The following VTI1A variants were observed in gnomAD, a reference collection of about 807,000 sequenced individuals.
VTI1A encodes the protein vesicle transport through interaction with t-SNAREs homolog 1A.
Under a neutral mutation model 34.9 loss-of-function variants are expected in VTI1A, and 22 were observed. That is an observed-to-expected ratio of 0.63 (90% confidence interval 0.45 to 0.90). VTI1A has a LOEUF of 0.90. VTI1A is among the 40% of genes least tolerant of loss of function. The pLI, the probability that VTI1A is intolerant of heterozygous loss-of-function variation, is 0.00. For missense variants in VTI1A, 268 were observed against 275.6 expected, an observed-to-expected ratio of 0.97 and a Z score of 0.20; for synonymous variants, 87 against 97.3, an observed-to-expected ratio of 0.89 and a Z score of 0.62.
chr10:112,520,645 G>GTA (rs1214811424), intron 3 of VTI1A, among the ~76,000 whole-genome samples: 223 of 111,144 alleles, frequency 2.0e-3, no homozygotes, highest in African/African-American at 5.5e-3. Context: ...GTGTGTGTGT[G>GTA]TGTATATATA....
At chr10:112,777,890 G>A (rs1851997682) in intron 7 of VTI1A, among the ~76,000 whole-genome samples, 1 of 152,172 alleles carries the variant, frequency 6.6e-6, no homozygotes, top group South Asian at 2.1e-4. Flanking sequence ...ATCACCTGAG[G>A]TAGGGAGTTC....
intron 3 of VTI1A, among the ~76,000 whole-genome samples, chr10:112,482,462 G>C (rs1185851600): frequency 6.6e-6 from 1 of 152,114 alleles, no homozygotes; most frequent in African/African-American, 2.4e-5. Context: ...TCTGTTTAGA[G>C]AACTGCCAGA....
intron 5 of VTI1A, among the ~76,000 whole-genome samples, chr10:112,551,402 A>T (rs1173040938): frequency 6.6e-6 from 1 of 152,048 alleles, no homozygotes; most frequent in Non-Finnish European, 1.5e-5. Flanking sequence ...AGAAATTAGG[A>T]TTGGATTTAT....
chr10:112,613,897 C>T (rs919192474), intron 5 of VTI1A, among the ~76,000 whole-genome samples: 1 of 152,180 alleles, frequency 6.6e-6, no homozygotes, highest in Non-Finnish European at 1.5e-5. Flanking sequence ...CAATTAAGCT[C>T]ATATTGCTGT....
chr10:112,707,027 G>A (rs964018352), intron 7 of VTI1A, among the ~76,000 whole-genome samples: 1 of 151,982 alleles, frequency 6.6e-6, no homozygotes, highest in Non-Finnish European at 1.5e-5. Flanking sequence ...AAACCTAAAC[G>A]TTTAAAAACT....
chr10:112,747,074 G>A (rs1421954142), intron 7 of VTI1A, among the ~76,000 whole-genome samples: 1 of 152,194 alleles, frequency 6.6e-6, no homozygotes, highest in African/African-American at 2.4e-5. Flanking sequence ...AACTAGGGCA[G>A]TCAGATTCGG....
At chr10:112,826,362 A>T in the VTI1A span, 2 of 152,258 alleles carry the variant, frequency 1.3e-5, no homozygotes, top group Non-Finnish European at 2.9e-5. Context: ...AGGTTTAACC[A>T]CCATGGGCAA....
At chr10:112,539,115 G>A (rs1319583751) in intron 5 of VTI1A, among the ~76,000 whole-genome samples, 3 of 151,976 alleles carry the variant, frequency 2.0e-5, no homozygotes, top group South Asian at 2.1e-4. Flanking sequence ...GTTACTCTAC[G>A]CTTTTTATTT....
At chr10:112,592,344 G>T (rs1844426216) in intron 5 of VTI1A, among the ~76,000 whole-genome samples, 1 of 152,166 alleles carries the variant, frequency 6.6e-6, no homozygotes, top group Non-Finnish European at 1.5e-5. Context: ...GCAACAACAA[G>T]AAATGAAGAC....
intron 7 of VTI1A, among the ~76,000 whole-genome samples, chr10:112,717,344 C>A (rs757210446): frequency 2.8e-4 from 42 of 152,132 alleles, no homozygotes; most frequent in Non-Finnish European, 4.6e-4. Context: ...TAGCAAACCA[C>A]CCTAGAAATG....
At chr10:112,715,338 C>T (rs1849569808) in intron 7 of VTI1A, among the ~76,000 whole-genome samples, 1 of 152,114 alleles carries the variant, frequency 6.6e-6, no homozygotes, top group Admixed American at 6.5e-5. Context: ...AGCATTAAAC[C>T]ATATTGGCCT....
chr10:112,831,531 G>A, the VTI1A span: 1 of 152,192 alleles, frequency 6.6e-6, no homozygotes, highest in African/African-American at 2.4e-5. Flanking sequence ...AGAGGGAGCT[G>A]AGCAGCTTCA....
chr10:112,792,825 A>G (rs1852533176), intron 7 of VTI1A, among the ~76,000 whole-genome samples: 1 of 152,234 alleles, frequency 6.6e-6, no homozygotes, highest in Admixed American at 6.5e-5. Flanking sequence ...ATAATTACGT[A>G]GGCTGCTCAA....
intron 7 of VTI1A, among the ~76,000 whole-genome samples, chr10:112,777,632 C>G (rs145060834): frequency 6.6e-6 from 1 of 152,316 alleles, no homozygotes; most frequent in Non-Finnish European, 1.5e-5. Flanking sequence ...CATTTTAATT[C>G]CATGCCTGAC....
At chr10:112,517,574 GA>G (rs1456166123) in intron 3 of VTI1A, among the ~76,000 whole-genome samples, 1 of 152,034 alleles carries the variant, frequency 6.6e-6, no homozygotes, top group African/African-American at 2.4e-5. Context: ...GAATAAACTT[GA>G]TAAACACTAC....
chr10:112,536,036 T>C (rs1351298059), intron 4 of VTI1A, among the ~76,000 whole-genome samples: 1 of 152,250 alleles, frequency 6.6e-6, no homozygotes, highest in African/African-American at 2.4e-5. Context: ...TAAAGGTCTT[T>C]CAGAAATTTT....
intron 5 of VTI1A, among the ~76,000 whole-genome samples, chr10:112,588,890 C>A (rs73367040): frequency 1.5e-3 from 231 of 152,266 alleles, no homozygotes; most frequent in African/African-American, 5.4e-3. Flanking sequence ...TCTTACCTCT[C>A]CTGACACCTT....
the VTI1A span, among the ~76,000 whole-genome samples, chr10:112,834,550 C>G: frequency 6.6e-6 from 1 of 152,230 alleles, no homozygotes; most frequent in Non-Finnish European, 1.5e-5. Context: ...GACAGTGCCA[C>G]CTGCCCTGGG....
At chr10:112,626,156 A>G (rs1407495794) in intron 5 of VTI1A, among the ~76,000 whole-genome samples, 1 of 152,152 alleles carries the variant, frequency 6.6e-6, no homozygotes, top group Non-Finnish European at 1.5e-5. Flanking sequence ...TTGGCTCCAC[A>G]CAAAACCTTC....
Sources: gnomAD v4.1 joint callset for allele counts (sites outside exome capture counted in the v4.1 genomes callset) on GRCh38, gnomAD v4.1.1 for gene constraint, MANE v1.5 for transcripts, NCBI Gene and HGNC (gene_info 2026-07-23, HGNC 2026-07-21) for gene names.